Variants in CNTNAP2 observed in about 807,000 individuals in gnomAD.
The protein encoded by CNTNAP2 is contactin associated protein 2.
CNTNAP2 carries 98 observed loss-of-function variants against 155.2 expected under a neutral mutation model. That is an observed-to-expected ratio of 0.63 (90% CI 0.54 to 0.75). The LOEUF (loss-of-function observed/expected upper bound fraction) is 0.75, where lower values mean the gene tolerates loss of function less well. Among genes scored for constraint, CNTNAP2 ranks in the 30% least tolerant of loss-of-function variants. CNTNAP2 has a pLI of 0.00. For missense variants in CNTNAP2, 1,727 were observed against 1,688.1 expected (o/e 1.02, Z -0.40); for synonymous variants, 651 against 631.2 (o/e 1.03, Z -0.47).
In CNTNAP2 at chr7:147,132,455, G is replaced by A. The variant is rs537991819; in HGVS notation, c.1294G>A (p.Gly432Ser). 3 of 1,613,564 alleles carry A rather than the reference G, an allele frequency of 1.9e-6. No individual in the cohort carries two copies. The highest frequency in any genetic ancestry group is 1.1e-5 in the South Asian group (1 of 91,078). Residue 432 changes from glycine to serine, a missense_variant, in exon 8 of 24, where the codon GGT (glycine) becomes AGT (serine). Transcript: ENST00000361727. ...GATTGACCTCACTGAAAGCAAAGTG[G>A]GTGTTCACATCAACATCACACAGAC... ...VEIDLTESKV[G>S]VHINITQTKM...
In CNTNAP2 at chr7:147,208,385, T is replaced by G. The variant is rs532165419; in HGVS notation, c.1348+75876T>G. On this transcript the variant is annotated intron_variant, in intron 8 of 23. Coordinates refer to ENST00000361727, the MANE Select transcript of CNTNAP2 (RefSeq NM_014141.6). Reference sequence around the variant, plus strand: ...TTGTTCAAAATGCAATTATCTCTCTTTATCCTCACTTCAGCTTCCATAAGA... The same window carrying G: ...TTGTTCAAAATGCAATTATCTCTCTGTATCCTCACTTCAGCTTCCATAAGA... Among the ~76,000 whole-genome samples, 9 of 152,234 alleles carry G rather than the reference T, an allele frequency of 5.9e-5. No individual in the cohort carries two copies. The South Asian group carries it at 1.7e-3, about 28-fold the overall frequency.
intron 1 of CNTNAP2, among the ~76,000 whole-genome samples, chr7:146,366,058 C>T (rs922281585): frequency 2.0e-5 from 3 of 151,972 alleles, no homozygotes; most frequent in Non-Finnish European, 4.4e-5. Flanking sequence ...TTTGCTGTGT[C>T]AGACTCAGGT....
At chr7:147,159,234 C>T (rs1801981908) in intron 8 of CNTNAP2, among the ~76,000 whole-genome samples, 1 of 152,060 alleles carries the variant, frequency 6.6e-6, no homozygotes, top group South Asian at 2.1e-4. Flanking sequence ...TTAGGGGATT[C>T]AGATTTTATT....
chr7:147,612,626 C>T (rs2116879226), intron 12 of CNTNAP2, among the ~76,000 whole-genome samples: 1 of 152,104 alleles, frequency 6.6e-6, no homozygotes, highest in East Asian at 1.9e-4. Flanking sequence ...GTCTCAAATT[C>T]CTGAGCTCAG....
intron 8 of CNTNAP2, among the ~76,000 whole-genome samples, chr7:147,255,165 C>A (rs1224098946): frequency 6.6e-6 from 1 of 151,986 alleles, no homozygotes; most frequent in Non-Finnish European, 1.5e-5. Context: ...TGAACTTTAC[C>A]TTTTTGGTTG....
intron 10 of CNTNAP2, among the ~76,000 whole-genome samples, chr7:147,420,630 G>A (rs1186493226): frequency 2.0e-5 from 3 of 152,096 alleles, no homozygotes; most frequent in African/African-American, 7.2e-5. Flanking sequence ...TTGCATATTT[G>A]AAAGTTACTC....
At chr7:147,709,451 A>G (rs1260855086) in intron 13 of CNTNAP2, among the ~76,000 whole-genome samples, 1 of 152,224 alleles carries the variant, frequency 6.6e-6, no homozygotes, top group Non-Finnish European at 1.5e-5. Flanking sequence ...TGAATTTCAC[A>G]GAGCTCTTTT....
chr7:147,998,161 G>C (rs1801840402), intron 15 of CNTNAP2, among the ~76,000 whole-genome samples: 1 of 141,168 alleles, frequency 7.1e-6, no homozygotes, highest in Admixed American at 7.4e-5. Flanking sequence ...GCCCAGGCTG[G>C]AGTGCAGTGG....
chr7:147,197,187 T>C (rs1005348096), intron 8 of CNTNAP2, among the ~76,000 whole-genome samples: 2 of 152,050 alleles, frequency 1.3e-5, no homozygotes, highest in Non-Finnish European at 2.9e-5. Context: ...GATTGGTTGC[T>C]TTCCACAACC....
At chr7:146,286,721 C>T (rs1330440770) in intron 1 of CNTNAP2, among the ~76,000 whole-genome samples, 1 of 152,246 alleles carries the variant, frequency 6.6e-6, no homozygotes, top group South Asian at 2.1e-4. Context: ...GATCCATAAA[C>T]GTTCTACTGT....
At chr7:146,754,702 A>G (rs1310262700) in intron 1 of CNTNAP2, among the ~76,000 whole-genome samples, 1 of 151,748 alleles carries the variant, frequency 6.6e-6, no homozygotes, top group Non-Finnish European at 1.5e-5. Context: ...ATTCTTGGGT[A>G]AAAAATGTAG....
chr7:146,444,059 A>C (rs1305730458), intron 1 of CNTNAP2, among the ~76,000 whole-genome samples: 1 of 152,106 alleles, frequency 6.6e-6, no homozygotes, highest in East Asian at 1.9e-4. Context: ...TTTTGACAGA[A>C]TCTTGCTCTG....
intron 14 of CNTNAP2, among the ~76,000 whole-genome samples, chr7:147,914,214 T>C (rs557256935): frequency 6.6e-6 from 1 of 152,076 alleles, no homozygotes; most frequent in East Asian, 1.9e-4. Flanking sequence ...AAATAGCAGG[T>C]ATAATACGAG....
intron 1 of CNTNAP2, among the ~76,000 whole-genome samples, chr7:146,369,693 T>C (rs1235602273): frequency 1.3e-5 from 2 of 152,208 alleles, no homozygotes; most frequent in Non-Finnish European, 2.9e-5. Context: ...CTACTTGAGT[T>C]TTTAAAATCT....
chr7:147,127,552 A>C (rs6945448), intron 6 of CNTNAP2, among the ~76,000 whole-genome samples: 15,589 of 152,102 alleles, frequency 0.1, 837 homozygotes, highest in Non-Finnish European at 0.12. Context: ...ATTTTTAAAA[A>C]TGTCTTCACT....
intron 2 of CNTNAP2, among the ~76,000 whole-genome samples, chr7:146,780,591 T>C (rs1003677073): frequency 6.6e-6 from 1 of 152,152 alleles, no homozygotes; most frequent in African/African-American, 2.4e-5. Context: ...ATGAGCTTTT[T>C]TTTAACATGT....
intron 8 of CNTNAP2, among the ~76,000 whole-genome samples, chr7:147,205,152 A>G (rs1426883903): frequency 2.0e-5 from 3 of 152,142 alleles, no homozygotes; most frequent in Non-Finnish European, 2.9e-5. Flanking sequence ...TGAATTGGAT[A>G]GTGATAGTCT....
At chr7:148,270,025 C>G (rs1796746568) in intron 21 of CNTNAP2, among the ~76,000 whole-genome samples, 1 of 152,118 alleles carries the variant, frequency 6.6e-6, no homozygotes, top group South Asian at 2.1e-4. Flanking sequence ...CCTGCAAAGT[C>G]AAATTTTGAT....
intron 15 of CNTNAP2, among the ~76,000 whole-genome samples, chr7:148,035,484 C>A (rs1802557110): frequency 2.0e-5 from 3 of 152,132 alleles, no homozygotes; most frequent in Admixed American, 6.5e-5. Flanking sequence ...CTCAAGTGGG[C>A]CCAGGTGCAG....
Sources: allele counts gnomAD v4.1 joint callset (sites outside exome capture counted in the v4.1 genomes callset), GRCh38; gene constraint gnomAD v4.1.1; transcripts MANE v1.5; gene names NCBI Gene and HGNC (gene_info 2026-07-23, HGNC 2026-07-21).